Variants in EPHA6 observed in about 807,000 individuals in gnomAD.
The protein encoded by EPHA6 is ephrin type-A receptor 6.
EPHA6 carries 50 observed loss-of-function variants against 112.0 expected under a neutral mutation model. The observed-to-expected ratio is 0.45, with a 90% CI of 0.36 to 0.56. The LOEUF (loss-of-function observed/expected upper bound fraction) is 0.56. Among genes scored for constraint, EPHA6 ranks in the 20% least tolerant of loss-of-function variants. The pLI, the probability that EPHA6 is intolerant of heterozygous loss-of-function variation, is 0.00. For synonymous variants in EPHA6, 529 were observed against 490.7 expected (o/e 1.08, Z -1.03); for missense variants, 1,280 against 1,417.4 (o/e 0.90, Z 1.56).
At chr3:97,440,019 C>G (rs1457595324) in intron 6 of EPHA6, among the ~76,000 whole-genome samples, 1 of 152,080 alleles carries the variant, frequency 6.6e-6, no homozygotes, top group Admixed American at 6.6e-5. Context: ...ATCCAGCACT[C>G]CTTTGTTTCA....
chr3:97,204,929 G>A (rs1481263289), intron 3 of EPHA6, among the ~76,000 whole-genome samples: 4 of 152,164 alleles, frequency 2.6e-5, no homozygotes, highest in East Asian at 1.9e-4. Flanking sequence ...AAAGGGAGAA[G>A]GGGAGAAATG....
intron 3 of EPHA6, among the ~76,000 whole-genome samples, chr3:97,163,541 C>G (rs1220987571): frequency 1.3e-5 from 2 of 152,058 alleles, no homozygotes; most frequent in East Asian, 1.9e-4. Context: ...TATAGGACAC[C>G]TCCTTAGGAG....
chr3:97,355,754 A>C (rs2084037898), intron 5 of EPHA6, among the ~76,000 whole-genome samples: 2 of 152,172 alleles, frequency 1.3e-5, no homozygotes, highest in Non-Finnish European at 2.9e-5. Flanking sequence ...GAATGGATTA[A>C]AAATAAGACC....
At chr3:97,675,644 C>T (rs1049677131) in intron 14 of EPHA6, among the ~76,000 whole-genome samples, 1 of 152,076 alleles carries the variant, frequency 6.6e-6, no homozygotes, top group African/African-American at 2.4e-5. Context: ...TGATCTGAAA[C>T]AGTCGTTACC....
rs150249912 is a variant in EPHA6, at chr3:97,003,314, G to A, written c.1114+15321G>A. Among the ~76,000 whole-genome samples, 41 of 152,132 alleles carry A rather than the reference G, an allele frequency of 2.7e-4. No homozygotes were observed. The East Asian group carries it at 6.0e-3, about 22-fold the overall frequency. On this transcript the variant is annotated intron_variant, in intron 3 of 17. Transcript: ENST00000389672. ...GTAGAGATGGGGTTTTGCCATATTG[G>A]CCAGGCTGGTCTCGAACTCCTGACC...
intron 3 of EPHA6, among the ~76,000 whole-genome samples, chr3:97,021,514 G>A (rs1223659656): frequency 1.3e-5 from 2 of 152,150 alleles, no homozygotes; most frequent in Admixed American, 6.5e-5. Context: ...GAGTCTTCTA[G>A]GGCTGCCCTA....
chr3:96,855,238 G>A lies in EPHA6; in HGVS notation c.386-11587G>A, dbSNP rs868468211. On this transcript the variant is annotated intron_variant, in intron 1 of 17. Transcript: ENST00000389672. Reference sequence around the variant, plus strand: ...TATAAAATATCCCCCTATTTTAAGGGCGATTAGAAACCTTAGTGGATTAGC... The same window carrying A: ...TATAAAATATCCCCCTATTTTAAGGACGATTAGAAACCTTAGTGGATTAGC... Among the ~76,000 whole-genome samples the A allele has an allele frequency of 9.2e-5, 14 of 152,154 alleles. No homozygotes were observed. The South Asian group carries it at 2.5e-3, about 27-fold the overall frequency.
chr3:96,936,877 G>A lies in EPHA6; in HGVS notation c.451-50453G>A, dbSNP rs549293501. Among the ~76,000 whole-genome samples, 58 of 152,198 alleles carry A rather than the reference G, an allele frequency of 3.8e-4. 1 individual carries two copies. The South Asian group carries it at 1.0e-2, about 26-fold the overall frequency. ...ATGTGGTGTTTGGTATTTTGTCCTT[G>A]CGATAGTTTGCTGAGAATGATGGTT... On this transcript the variant is annotated intron_variant, in intron 2 of 17. Transcript: ENST00000389672.
intron 2 of EPHA6, among the ~76,000 whole-genome samples, chr3:96,944,590 G>A (rs1323330428): frequency 6.6e-6 from 1 of 152,162 alleles, no homozygotes; most frequent in African/African-American, 2.4e-5. Context: ...CGTGCACAGT[G>A]GCTCACGCCT....
chr3:97,586,799 C>G (rs1411535385), intron 11 of EPHA6, among the ~76,000 whole-genome samples: 1 of 152,148 alleles, frequency 6.6e-6, no homozygotes. Flanking sequence ...GGGAAAGTAG[C>G]CCTTGGCATT....
chr3:97,550,704 T>C (rs2093017950), intron 11 of EPHA6, among the ~76,000 whole-genome samples: 2 of 152,010 alleles, frequency 1.3e-5, no homozygotes, highest in East Asian at 3.9e-4. Flanking sequence ...ATTCAAGAAA[T>C]AGAGGGGGAA....
chr3:96,814,746 GC>G lies in EPHA6; in HGVS notation c.124del (p.Arg42AlafsTer43). The G allele has an allele frequency of 6.3e-7, 1 of 1,591,374 alleles. No homozygotes were observed. ...CCTCGTGCCCTGTTCCCGGGACCTC[GC>G]GCAGGGGGCGCCCCGGGACACCCCC... ...GPSCPVPGTS[R>X]RGRPGTPPAG... is the part of the protein sequence containing the mutation. On this transcript the variant is annotated frameshift_variant, in exon 1 of 18. Transcript: ENST00000389672. LOFTEE classifies it high-confidence loss of function.
chr3:97,357,577 TTAAAG>T lies in EPHA6; in HGVS notation c.1607-47569_1607-47565del, dbSNP rs1232364047. ...ATTGGAGAATTGAATCTATTTACAC[TTAAAG>T]TAATTACCAATAAGTAGGGATTTTT... On this transcript the variant is annotated intron_variant, in intron 5 of 17. Coordinates refer to ENST00000389672, the MANE Select transcript of EPHA6 (RefSeq NM_001080448.3). Among the ~76,000 whole-genome samples, 39 of 152,186 alleles carry T rather than the reference TTAAAG, an allele frequency of 2.6e-4. 1 individual carries two copies. Among genetic ancestry groups the T allele is most frequent in the Non-Finnish European group, 2.5e-4 (17 of 68,038 alleles).
At chr3:97,287,448 G>A (rs578193441) in intron 5 of EPHA6, among the ~76,000 whole-genome samples, 1 of 150,190 alleles carries the variant, frequency 6.7e-6, no homozygotes, top group East Asian at 1.9e-4. Flanking sequence ...GTGGGCAGCA[G>A]AGCAAGACTC....
intron 3 of EPHA6, among the ~76,000 whole-genome samples, chr3:97,142,302 A>T (rs1159259049): frequency 9.2e-5 from 14 of 152,010 alleles, no homozygotes; most frequent in Admixed American, 9.2e-4. Flanking sequence ...AATCTGTAAG[A>T]TTTGCTTCAG....
At chr3:96,892,866 CAT>C in intron 2 of EPHA6, among the ~76,000 whole-genome samples, 1 of 151,854 alleles carries the variant, frequency 6.6e-6, no homozygotes, top group South Asian at 2.1e-4. Context: ...TTATCAGTAA[CAT>C]ATGTCTATGT....
At chr3:97,398,103 A>T (rs2086792360) in intron 5 of EPHA6, among the ~76,000 whole-genome samples, 1 of 151,520 alleles carries the variant, frequency 6.6e-6, no homozygotes, top group South Asian at 2.1e-4. Context: ...TATTTTTCTC[A>T]GTAGTCATTC....
At chr3:97,072,656 T>C (rs183676323) in intron 3 of EPHA6, among the ~76,000 whole-genome samples, 56 of 152,236 alleles carry the variant, frequency 3.7e-4, no homozygotes, top group Admixed American at 2.0e-3. Context: ...AATAACTGAT[T>C]TGAGCAATTT....
chr3:97,442,719 A>G (rs929233503), intron 6 of EPHA6, among the ~76,000 whole-genome samples: 28 of 152,218 alleles, frequency 1.8e-4, no homozygotes, highest in Admixed American at 5.2e-4. Flanking sequence ...TTGCAACATT[A>G]AAGTAGAAAT....
Sources: allele counts gnomAD v4.1 joint callset (sites outside exome capture counted in the v4.1 genomes callset), GRCh38; gene constraint gnomAD v4.1.1; transcripts MANE v1.5; gene names NCBI Gene and HGNC (gene_info 2026-07-23, HGNC 2026-07-21).